FAF1: variants seen among roughly 807,000 people sequenced by gnomAD.
The protein encoded by FAF1 is FAS-associated factor 1.
Under a neutral mutation model 92.5 loss-of-function variants are expected in FAF1, and 25 were observed. The observed-to-expected ratio is 0.27, with a 90% CI of 0.20 to 0.38. The LOEUF (loss-of-function observed/expected upper bound fraction) is 0.38, where lower values mean the gene tolerates loss of function less well. Among genes scored for constraint, FAF1 ranks in the 10% least tolerant of loss-of-function variants. The pLI, the probability that FAF1 is intolerant of heterozygous loss-of-function variation, is 1.00. For missense variants in FAF1, 636 were observed against 793.3 expected, an observed-to-expected ratio of 0.80 and a Z score of 2.38; for synonymous variants, 234 against 273.2, an observed-to-expected ratio of 0.86 and a Z score of 1.42.
At chr1:50,629,161 C>CA (rs1653640492) in intron 8 of FAF1, among the ~76,000 whole-genome samples, 1 of 110,728 alleles carries the variant, frequency 9.0e-6, no homozygotes. Flanking sequence ...CAGATAGATG[C>CA]TTTTTTTTTT....
chr1:50,634,954 T>C (rs980310020), intron 8 of FAF1, among the ~76,000 whole-genome samples: 2 of 152,214 alleles, frequency 1.3e-5, no homozygotes, highest in African/African-American at 4.8e-5. Flanking sequence ...CTACTGTATA[T>C]AATTTCTATT....
intron 2 of FAF1, 115 bp from the exon 3 acceptor site, chr1:50,801,792 C>G (rs1662000060): frequency 1.6e-6 from 1 of 622,020 alleles, no homozygotes; most frequent in East Asian, 2.8e-5. Flanking sequence ...AAACATAATA[C>G]TAATTTTTTT....
intron 12 of FAF1, chr1:50,582,344 G>C: frequency 2.8e-6 from 1 of 357,892 alleles, no homozygotes; most frequent in South Asian, 6.0e-5. Context: ...GTGAAGACTA[G>C]GTTAGCAGAT....
chr1:50,951,902 A>G (rs1159726683), intron 1 of FAF1, among the ~76,000 whole-genome samples: 1 of 152,238 alleles, frequency 6.6e-6, no homozygotes, highest in Non-Finnish European at 1.5e-5. Context: ...ACTAAAAAAG[A>G]AAGAAGTGGG....
intron 8 of FAF1, among the ~76,000 whole-genome samples, chr1:50,604,767 T>TC (rs1652300678): frequency 6.6e-6 from 1 of 152,130 alleles, no homozygotes; most frequent in Non-Finnish European, 1.5e-5. Context: ...GCTCCTGGGC[T>TC]CCCCCTTTTG....
intron 1 of FAF1, among the ~76,000 whole-genome samples, chr1:50,876,310 T>C (rs1340531200): frequency 6.6e-6 from 1 of 152,164 alleles, no homozygotes; most frequent in Non-Finnish European, 1.5e-5. Flanking sequence ...AAATCAAGAA[T>C]ACCTAGTACC....
At chr1:50,933,129 A>T (rs1645061445) in intron 1 of FAF1, among the ~76,000 whole-genome samples, 3 of 152,308 alleles carry the variant, frequency 2.0e-5, no homozygotes, top group Admixed American at 6.5e-5. Context: ...CATGACCTGG[A>T]GACATTTTCC....
At chr1:50,702,058 T>C (rs1184098715) in intron 7 of FAF1, among the ~76,000 whole-genome samples, 2 of 152,114 alleles carry the variant, frequency 1.3e-5, no homozygotes, top group Non-Finnish European at 2.9e-5. Flanking sequence ...ATTCCTTAAA[T>C]TTATATGACA....
intron 1 of FAF1, among the ~76,000 whole-genome samples, chr1:50,898,914 G>C (rs1644775975): frequency 1.3e-5 from 2 of 152,078 alleles, no homozygotes; most frequent in Admixed American, 1.3e-4. Context: ...GGAAAATGTT[G>C]GTGGTTATTT....
chr1:50,892,398 A>G (rs1364279632), intron 1 of FAF1, among the ~76,000 whole-genome samples: 1 of 152,182 alleles, frequency 6.6e-6, no homozygotes, highest in Non-Finnish European at 1.5e-5. Context: ...CTGGTACCTC[A>G]GTTGGAAATG....
chr1:50,507,610 A>C (rs1357990572), intron 15 of FAF1, among the ~76,000 whole-genome samples: 5 of 152,200 alleles, frequency 3.3e-5, no homozygotes, highest in Non-Finnish European at 7.3e-5. Context: ...CTAGCTACTC[A>C]GGAAGCTGAG....
chr1:50,814,895 T>G (rs1266275901), intron 2 of FAF1, among the ~76,000 whole-genome samples: 3 of 152,108 alleles, frequency 2.0e-5, no homozygotes, highest in African/African-American at 7.2e-5. Flanking sequence ...TGGCAAGATG[T>G]GGAGAAATTA....
chr1:50,712,196 TAC>T (rs1211913933), intron 6 of FAF1, among the ~76,000 whole-genome samples: 1 of 152,210 alleles, frequency 6.6e-6, no homozygotes, highest in African/African-American at 2.4e-5. Flanking sequence ...TCACATATAG[TAC>T]CCCTGTGCTT....
intron 7 of FAF1, among the ~76,000 whole-genome samples, chr1:50,693,529 T>C (rs1657030567): frequency 1.3e-5 from 2 of 152,138 alleles, no homozygotes; most frequent in Admixed American, 1.3e-4. Context: ...AAATCTTATG[T>C]ATTAGAAAGC....
At chr1:50,746,245 A>AATATAT (rs1557506291) in intron 4 of FAF1, among the ~76,000 whole-genome samples, 4 of 71,532 alleles carry the variant, frequency 5.6e-5, no homozygotes, top group Non-Finnish European at 7.5e-5. Context: ...ACCTGAAACG[A>AATATAT]ACATATATAT....
chr1:50,495,169 T>C (rs573510817), intron 15 of FAF1, among the ~76,000 whole-genome samples: 23 of 152,288 alleles, frequency 1.5e-4, no homozygotes, highest in African/African-American at 5.3e-4. Flanking sequence ...ATTTTTACTA[T>C]AGTCATCCTG....
chr1:50,689,509 G>A (rs1316774933), intron 7 of FAF1, among the ~76,000 whole-genome samples: 1 of 152,162 alleles, frequency 6.6e-6, no homozygotes, highest in African/African-American at 2.4e-5. Context: ...CCGTGGACCC[G>A]GGAGGCAGAG....
chr1:50,938,052 C>T (rs1218230419), intron 1 of FAF1, among the ~76,000 whole-genome samples: 5 of 152,104 alleles, frequency 3.3e-5, no homozygotes, highest in South Asian at 4.1e-4. Flanking sequence ...TTTTATTAGG[C>T]ACAATCGCTT....
At chr1:50,725,815 T>C (rs959127120) in intron 6 of FAF1, among the ~76,000 whole-genome samples, 2 of 152,182 alleles carry the variant, frequency 1.3e-5, no homozygotes, top group African/African-American at 2.4e-5. Flanking sequence ...TCCCATTTAG[T>C]ACCCTGAATT....
Sources: gnomAD v4.1 joint callset for allele counts (sites outside exome capture counted in the v4.1 genomes callset) on GRCh38, gnomAD v4.1.1 for gene constraint, MANE v1.5 for transcripts, NCBI Gene and HGNC (gene_info 2026-07-23, HGNC 2026-07-21) for gene names.